FBXL18: variants seen among roughly 807,000 people sequenced by gnomAD.
FBXL18 encodes the protein F-box/LRR-repeat protein 18.
A neutral mutation model predicts 46.0 loss-of-function variants in FBXL18; 36 were observed. The observed-to-expected ratio is 0.78, with a 90% CI of 0.60 to 1.03. The LOEUF is 1.03. FBXL18 is among the 50% of genes least tolerant of loss of function. The probability of loss-of-function intolerance (pLI) is 0.00; values close to 1 mark genes in which losing one functional copy is unlikely to be tolerated. For synonymous variants in FBXL18, 557 were observed against 465.3 expected (o/e 1.20, Z -2.54); for missense variants, 977 against 1,004.1 (o/e 0.97, Z 0.36).
chr7:5,494,468 T>C (rs1235804215), intron 3 of FBXL18, among the ~76,000 whole-genome samples: 1 of 152,022 alleles, frequency 6.6e-6, no homozygotes. Context: ...AAATAAATAA[T>C]AAAATAAAAC....
intron 4 of FBXL18, chr7:5,490,089 A>G: frequency 8.8e-6 from 12 of 1,361,806 alleles, no homozygotes; most frequent in Non-Finnish European, 1.2e-5. Context: ...CGCAAGGACA[A>G]CAGACTACCC....
chr7:5,469,820 G>A (rs1783400302), intron 4 of FBXL18, among the ~76,000 whole-genome samples: 1 of 151,732 alleles, frequency 6.6e-6, no homozygotes, highest in Non-Finnish European at 1.5e-5. Flanking sequence ...TGCTGGAACT[G>A]TGTGTGTGTG....
At chr7:5,486,078 T>A (rs1489024830) in intron 4 of FBXL18, among the ~76,000 whole-genome samples, 14 of 137,580 alleles carry the variant, frequency 1.0e-4, no homozygotes, top group African/African-American at 3.5e-4. Flanking sequence ...AATAAATAAA[T>A]AAATAAATAA....
At position 5,509,857 on chromosome 7, in the gene FBXL18, C is replaced by A. The variant is rs1200389991; in HGVS notation, c.18+3800G>T. Among the ~76,000 whole-genome samples the A allele has an allele frequency of 5.3e-5, 8 of 152,158 alleles. No individual in the cohort carries two copies. The East Asian group carries it at 1.5e-3, about 29-fold the overall frequency. ...AAGCAGCTCGAATGGGCCCCCACCC[C>A]CACTCTCCATCTCCGGCCAGAGGAC... On this transcript the variant is annotated intron_variant, in intron 1 of 4. Coordinates refer to ENST00000382368, the MANE Select transcript of FBXL18 (RefSeq NM_024963.6).
intron 3 of FBXL18, among the ~76,000 whole-genome samples, chr7:5,498,494 G>A (rs1275904388): frequency 2.6e-5 from 4 of 152,298 alleles, no homozygotes; most frequent in Admixed American, 1.3e-4. Flanking sequence ...AGGGCTCTTC[G>A]CGTGTTCTGG....
downstream of FBXL18, among the ~76,000 whole-genome samples, chr7:5,471,154 A>G (rs1038431073): frequency 1.3e-5 from 2 of 152,124 alleles, no homozygotes; most frequent in Non-Finnish European, 2.9e-5. Flanking sequence ...CATCTCCACT[A>G]TCCTGCAAGT....
chr7:5,484,751 G>A (rs543653094), intron 4 of FBXL18, among the ~76,000 whole-genome samples: 77 of 150,310 alleles, frequency 5.1e-4, no homozygotes, highest in Non-Finnish European at 8.6e-4. Context: ...CGATTTTCCC[G>A]TCTCAGCCTC....
chr7:5,470,447 C>T (rs181374294), intron 4 of FBXL18, among the ~76,000 whole-genome samples: 9 of 152,254 alleles, frequency 5.9e-5, no homozygotes, highest in East Asian at 3.9e-4. Context: ...CCCGTGCCCG[C>T]GGGAGCCTGA....
chr7:5,486,490 A>G (rs2128234786), intron 4 of FBXL18, among the ~76,000 whole-genome samples: 1 of 152,136 alleles, frequency 6.6e-6, no homozygotes, highest in South Asian at 2.1e-4. Context: ...CATCTCTATA[A>G]AAAAATGTAA....
rs759316889 is a variant in FBXL18, at chr7:5,477,263, G to A, written c.*4512C>T. Among the ~76,000 whole-genome samples the A allele has an allele frequency of 9.9e-5, 15 of 152,130 alleles. No individual in the cohort carries two copies. Among genetic ancestry groups the A allele is most frequent in the Non-Finnish European group, 1.9e-4 (13 of 68,032 alleles). On this transcript the variant is annotated 3_prime_UTR_variant, in exon 5 of 5. Coordinates refer to ENST00000382368, the MANE Select transcript of FBXL18 (RefSeq NM_024963.6). The surrounding 1 kb of genome is among the most constrained non-coding windows in gnomAD (Gnocchi z 4.4). ...CCATGACCATCACAAAGACCCCCCA[G>A]CGTCGTGGTCAAGGCTACCAGGAAC...
Position 5,455,865 on chromosome 7 carries a change from G to A in FBXL18, c.2001-8022C>T, listed in dbSNP as rs1391875035. 2.0e-5 allele frequency among the ~76,000 whole-genome samples: 3 copies of A among 151,910 alleles called. No homozygotes were observed. The highest frequency in any genetic ancestry group is 2.1e-4 in the South Asian group (1 of 4,804). On this transcript the variant is annotated intron_variant and NMD_transcript_variant, in intron 4 of 6. Transcript: ENST00000415009. This position sits in a 1 kb window ranked among gnomAD's most constrained non-coding sequence, Gnocchi z 4.6. Reference sequence around the variant, plus strand: ...CTCCATATGACCCCAGCCAATGAGCGGGCGAGACCTGGCCATCTCTGCCCC... The same window carrying A: ...CTCCATATGACCCCAGCCAATGAGCAGGCGAGACCTGGCCATCTCTGCCCC...
At chr7:5,485,607 A>G (rs1377397143) in intron 4 of FBXL18, among the ~76,000 whole-genome samples, 1 of 151,946 alleles carries the variant, frequency 6.6e-6, no homozygotes, top group African/African-American at 2.4e-5. Context: ...TGAGTCCAGG[A>G]GTTCAAGACC....
At chr7:5,481,991 G>A (rs1156326247) in intron 4 of FBXL18, 60 bp from the exon 5 acceptor site, 1 of 1,536,712 alleles carries the variant, frequency 6.5e-7, no homozygotes, top group Non-Finnish European at 8.8e-7. Flanking sequence ...GGCGGAGCCT[G>A]CTGGGGAAGC....
rs1467488024 is a variant in FBXL18 at position 5,491,284 on chromosome 7, G to T, written c.1947C>A (p.Phe649Leu). The T allele has an allele frequency of 6.2e-7, 1 of 1,613,174 alleles. No individual in the cohort carries two copies. The highest frequency in any genetic ancestry group is 1.7e-5 in the Admixed American group (1 of 59,962). ...RCLQVVMCHL[F>L]TGESLATCKS... ...TGCAGGTGGCGAGGGACTCCCCGGT[G>T]AACAGGTGGCACATGACAACCTGCA... Residue 649 changes from phenylalanine (F) to leucine (L), a missense_variant, in exon 4 of 5, where the codon TTC becomes TTA. Phe to Leu is a conservative substitution (Grantham distance 22, BLOSUM62 0). Coordinates refer to ENST00000382368, the MANE Select transcript of FBXL18 (RefSeq NM_024963.6).
intron 4 of FBXL18, among the ~76,000 whole-genome samples, chr7:5,454,763 C>A (rs1284127988): frequency 3.3e-5 from 5 of 152,150 alleles, no homozygotes; most frequent in Non-Finnish European, 5.9e-5. Context: ...GCCTGCAGGG[C>A]CCCATCAGCA....
chr7:5,498,077 T>C (rs1007780953), intron 3 of FBXL18, among the ~76,000 whole-genome samples: 91 of 151,066 alleles, frequency 6.0e-4, no homozygotes, highest in Non-Finnish European at 1.1e-3. Flanking sequence ...TTTTTTCTTT[T>C]TACTTTTTTT....
At position 5,455,446 on chromosome 7, in the gene FBXL18, T is replaced by C. The variant is rs1038781840; in HGVS notation, c.2001-7603A>G. Reference sequence around the variant, plus strand: ...TGGGGAGTAGCATCAAGGAGCACTCTCGTGGGAGCACTACCTTAGTCTCCT... The same window carrying C: ...TGGGGAGTAGCATCAAGGAGCACTCCCGTGGGAGCACTACCTTAGTCTCCT... On this transcript the variant is annotated intron_variant and NMD_transcript_variant, in intron 4 of 6. Coordinates refer to the FBXL18 transcript ENST00000415009. The surrounding 1 kb of genome is among the most constrained non-coding windows in gnomAD (Gnocchi z 4.6). Among the ~76,000 whole-genome samples, 2 of 152,122 alleles carry C rather than the reference T, an allele frequency of 1.3e-5. No individual in the cohort carries two copies. The highest frequency in any genetic ancestry group is 1.9e-4 in the East Asian group (1 of 5,180).
downstream of FBXL18, among the ~76,000 whole-genome samples, chr7:5,473,953 T>A (rs1311805911): frequency 6.6e-6 from 1 of 151,876 alleles, no homozygotes; most frequent in Non-Finnish European, 1.5e-5. Flanking sequence ...CGCCACACCA[T>A]GCCCGGCTAA....
rs1168856282 is a variant in FBXL18, at chr7:5,481,730, C to A, written c.*45G>T. On this transcript the variant is annotated 3_prime_UTR_variant, in exon 5 of 5. Transcript: ENST00000382368. The stretch of plus-strand genomic sequence containing the variant: ...GGGTCCCTGGCGTCCCAGGCTCCTG[C>A]AGCTTCTCGAGGTGACTGAGACCGA... 8 of 1,603,992 alleles carry A rather than the reference C, an allele frequency of 5.0e-6. No individual in the cohort carries two copies. Among genetic ancestry groups the A allele is most frequent in the Non-Finnish European group, 6.8e-6 (8 of 1,174,594 alleles).
Sources: gnomAD v4.1 joint callset for allele counts (sites outside exome capture counted in the v4.1 genomes callset) on GRCh38, gnomAD v4.1.1 for gene constraint, Gnocchi (gnomAD v3.1) non-coding constraint, MANE v1.5 for transcripts, NCBI Gene and HGNC (gene_info 2026-07-23, HGNC 2026-07-21) for gene names.